F13A1: variants seen among roughly 807,000 people sequenced by gnomAD.
F13A1 encodes coagulation factor XIII A chain.
In F13A1, 47 loss-of-function variants were observed where a neutral mutation model predicts 80.1. That is an observed-to-expected ratio of 0.59 (90% confidence interval 0.46 to 0.75). The LOEUF (loss-of-function observed/expected upper bound fraction) is 0.75. Ranked by LOEUF, F13A1 falls within the 30% of genes least tolerant of loss-of-function variation. F13A1 has a pLI of 0.00. For missense variants in F13A1, 817 were observed against 930.4 expected, an observed-to-expected ratio of 0.88 and a Z score of 1.59; for synonymous variants, 349 against 344.9, an observed-to-expected ratio of 1.01 and a Z score of -0.13.
At chr6:6,198,301 A>G (rs892712812) in intron 8 of F13A1, among the ~76,000 whole-genome samples, 1 of 152,230 alleles carries the variant, frequency 6.6e-6, no homozygotes, top group Non-Finnish European at 1.5e-5. Flanking sequence ...GAATTGTATT[A>G]TTATGTCCTT....
chr6:6,300,606 C>T (rs1194788946), intron 3 of F13A1, among the ~76,000 whole-genome samples: 1 of 152,152 alleles, frequency 6.6e-6, no homozygotes, highest in Non-Finnish European at 1.5e-5. Context: ...TCGGCTCGCG[C>T]ACAGTGCACG....
At chr6:6,277,625 G>A (rs979043980) in intron 3 of F13A1, among the ~76,000 whole-genome samples, 7 of 152,166 alleles carry the variant, frequency 4.6e-5, no homozygotes, top group African/African-American at 7.2e-5. Context: ...TTTTGATTGC[G>A]TAAGAGACTG....
intron 3 of F13A1, among the ~76,000 whole-genome samples, chr6:6,293,087 C>A (rs1357875949): frequency 6.6e-6 from 1 of 152,120 alleles, no homozygotes; most frequent in Non-Finnish European, 1.5e-5. Context: ...TGAGGGCCAT[C>A]ATAGAATTGA....
chr6:6,153,418 A>G (rs1030459137), intron 13 of F13A1, among the ~76,000 whole-genome samples: 1 of 152,246 alleles, frequency 6.6e-6, no homozygotes, highest in African/African-American at 2.4e-5. Flanking sequence ...CAATTATTAT[A>G]TATCGATTAA....
chr6:6,153,636 GCAA>G lies in F13A1; in HGVS notation c.1909-1690_1909-1688del, dbSNP rs1760421905. On this transcript the variant is annotated intron_variant, in intron 13 of 14. Transcript: ENST00000264870. ...AGAGGGGCAGACGATGGTCATGGTA[GCAA>G]CAACAGCAGGTGCACCTAGACAGCA... Among the ~76,000 whole-genome samples, 3 of 152,294 alleles carry G rather than the reference GCAA, an allele frequency of 2.0e-5. No individual in the cohort carries two copies. In the South Asian group the frequency reaches 6.2e-4, roughly 32 times the overall value.
rs540092442 is a variant in F13A1, at chr6:6,162,306, G to A, written c.1908+5152C>T. ...GCTTCTCACTGCTCTACATACTGCC[G>A]TCCACCTCCCCTCTAGCCCTTGCTA... On this transcript the variant is annotated intron_variant, in intron 13 of 14. Transcript: ENST00000264870. The surrounding 1 kb of genome is among the most constrained non-coding windows in gnomAD (Gnocchi z 4.2). Among the ~76,000 whole-genome samples, 8 of 152,164 alleles carry A rather than the reference G, an allele frequency of 5.3e-5. No homozygotes were observed. Among genetic ancestry groups the A allele is most frequent in the Non-Finnish European group, 8.8e-5 (6 of 68,008 alleles).
At chr6:6,246,166 T>A (rs1757553274) in intron 6 of F13A1, among the ~76,000 whole-genome samples, 1 of 152,236 alleles carries the variant, frequency 6.6e-6, no homozygotes, top group African/African-American at 2.4e-5. Context: ...TGTTCTTTGT[T>A]TAACTGCATT....
At chr6:6,210,378 T>C (rs1346380413) in intron 8 of F13A1, among the ~76,000 whole-genome samples, 1 of 147,202 alleles carries the variant, frequency 6.8e-6, no homozygotes, top group African/African-American at 2.5e-5. Flanking sequence ...GCAGTCTTGC[T>C]CTGTCGCCCA....
chr6:6,227,803 G>GA (rs563435862), intron 6 of F13A1, among the ~76,000 whole-genome samples: 198 of 152,150 alleles, frequency 1.3e-3, no homozygotes, highest in African/African-American at 4.5e-3. Flanking sequence ...GAAGAGTAAG[G>GA]AAAAAAAGCT....
intron 2 of F13A1, among the ~76,000 whole-genome samples, chr6:6,317,596 C>A (rs1300579413): frequency 6.6e-6 from 1 of 152,096 alleles, no homozygotes; most frequent in African/African-American, 2.4e-5. Context: ...TCCCCTTTCC[C>A]TTTGCTATAT....
intron 10 of F13A1, among the ~76,000 whole-genome samples, chr6:6,189,965 T>G (rs9502423): frequency 0.087 from 13,197 of 152,182 alleles, 1,052 homozygotes; most frequent in East Asian, 0.46. Context: ...TTGCTTCATT[T>G]CTTTCATTTC....
intron 8 of F13A1, among the ~76,000 whole-genome samples, chr6:6,198,633 A>G (rs1761334348): frequency 6.6e-6 from 1 of 152,206 alleles, no homozygotes; most frequent in African/African-American, 2.4e-5. Context: ...AGACTCAGAG[A>G]TGATCAAAAC....
chr6:6,297,630 T>A (rs1224791070), intron 3 of F13A1, among the ~76,000 whole-genome samples: 2 of 148,728 alleles, frequency 1.3e-5, no homozygotes, highest in Non-Finnish European at 2.9e-5. Context: ...TATTTGATTC[T>A]TCTCTCTTTT....
intron 6 of F13A1, among the ~76,000 whole-genome samples, chr6:6,244,805 A>G (rs967520074): frequency 3.3e-5 from 5 of 152,234 alleles, no homozygotes; most frequent in African/African-American, 1.2e-4. Context: ...TAGCACAACC[A>G]GAATCAAGGT....
intron 3 of F13A1, 26 bp from the exon 4 acceptor site, chr6:6,266,835 T>C: frequency 6.2e-7 from 1 of 1,614,070 alleles, no homozygotes; most frequent in Non-Finnish European, 8.5e-7. Flanking sequence ...AGAAATACTC[T>C]GTTAGGTTGA....
At chr6:6,173,609 T>C (rs1760816153) in intron 12 of F13A1, among the ~76,000 whole-genome samples, 1 of 152,144 alleles carries the variant, frequency 6.6e-6, no homozygotes, top group Non-Finnish European at 1.5e-5. Context: ...GTTTTCACCA[T>C]GTTAGTCAGG....
rs758286692 is a variant in F13A1, at chr6:6,151,849, C to T, written c.2009G>A (p.Gly670Asp). The change falls in exon 14 of 15, where the codon GGT (glycine) becomes GAT (aspartate). Residue 670 changes from glycine (G) to aspartate (D), a missense_variant. By Grantham distance (94) the Gly-to-Asp change is moderately conservative (BLOSUM62 -1). Coordinates refer to ENST00000264870, the MANE Select transcript of F13A1 (RefSeq NM_000129.4). ...TLRNVWVHLD[G>D]PGVTRPMKKM... The stretch of plus-strand genomic sequence containing the variant: ...CTTCATTGGTCTTGTTACTCCAGGA[C>T]CATCCAGGTGTACCCAGACATTTCG... The T allele has an allele frequency of 4.3e-6, 7 of 1,614,070 alleles. No homozygotes were observed. Among genetic ancestry groups the T allele is most frequent in the Non-Finnish European group, 5.9e-6 (7 of 1,179,976 alleles).
In F13A1 at chr6:6,250,495, T is replaced by C. The variant is rs1348023600; in HGVS notation, c.690+316A>G. Among the ~76,000 whole-genome samples, 1 of 152,216 alleles carries C rather than the reference T, an allele frequency of 6.6e-6. No homozygotes were observed. The highest frequency in any genetic ancestry group is 1.5e-5 in the Non-Finnish European group (1 of 68,046). On this transcript the variant is annotated intron_variant, in intron 5 of 14. Coordinates refer to ENST00000264870, the MANE Select transcript of F13A1 (RefSeq NM_000129.4). The surrounding 1 kb of genome is among the most constrained non-coding windows in gnomAD (Gnocchi z 4.2). The stretch of plus-strand genomic sequence containing the variant: ...TGCATCACTTTGAAAATACCTTTCT[T>C]TATAAGCCAGGTTGAACTAATGAGA...
At chr6:6,297,015 T>C (rs1158584355) in intron 3 of F13A1, among the ~76,000 whole-genome samples, 1 of 147,048 alleles carries the variant, frequency 6.8e-6, no homozygotes, top group East Asian at 1.9e-4. Context: ...CATGTGGTTT[T>C]TGTCTTTGGT....
Sources: allele counts gnomAD v4.1 joint callset (sites outside exome capture counted in the v4.1 genomes callset), GRCh38; gene constraint gnomAD v4.1.1; non-coding constraint Gnocchi (gnomAD v3.1); transcripts MANE v1.5; gene names NCBI Gene and HGNC (gene_info 2026-07-23, HGNC 2026-07-21).